Variants in MEF2A observed in about 807,000 individuals in gnomAD.
MEF2A encodes myocyte-specific enhancer factor 2A.
In MEF2A, 28 loss-of-function variants were observed where a neutral mutation model predicts 55.8. That is an observed-to-expected ratio of 0.50 (90% CI 0.37 to 0.69). The LOEUF is 0.69. Among genes scored for constraint, MEF2A ranks in the 30% least tolerant of loss-of-function variants. The pLI is 0.00. For synonymous variants in MEF2A, 239 were observed against 227.1 expected (o/e 1.05, Z -0.47); for missense variants, 528 against 626.2 (o/e 0.84, Z 1.67).
chr15:99,658,338 A>G (rs1272532853), intron 4 of MEF2A, among the ~76,000 whole-genome samples: 1 of 152,214 alleles, frequency 6.6e-6, no homozygotes, highest in Admixed American at 6.5e-5. Context: ...CCATAACCGC[A>G]GAGAGAATTT....
At chr15:99,597,615 C>T (rs1425907684) in intron 1 of MEF2A, among the ~76,000 whole-genome samples, 2 of 152,146 alleles carry the variant, frequency 1.3e-5, no homozygotes, top group Non-Finnish European at 2.9e-5. Flanking sequence ...CCTATTCGCA[C>T]ACTCCCTCCC....
intron 7 of MEF2A, among the ~76,000 whole-genome samples, chr15:99,684,280 A>G (rs182912268): frequency 1.5e-4 from 23 of 152,356 alleles, no homozygotes; most frequent in Non-Finnish European, 1.2e-4. Context: ...TTCTTTAAGC[A>G]ATCTCTGTAC....
chr15:99,576,910 G>A (rs1012556914), intron 1 of MEF2A, among the ~76,000 whole-genome samples: 17 of 152,250 alleles, frequency 1.1e-4, no homozygotes, highest in Admixed American at 5.2e-4. Flanking sequence ...GCCTCCCAAA[G>A]TGCTGGGATT....
chr15:99,710,559 T>C (rs2058525345), intron 10 of MEF2A, 75 bp from the exon 11 acceptor site: 5 of 1,558,692 alleles, frequency 3.2e-6, no homozygotes, highest in Non-Finnish European at 3.5e-6. Context: ...TAGGAACTTT[T>C]GCAGTAGCTA....
intron 4 of MEF2A, among the ~76,000 whole-genome samples, chr15:99,647,263 C>T (rs1186523485): frequency 6.7e-6 from 1 of 149,870 alleles, no homozygotes; most frequent in Non-Finnish European, 1.5e-5. Context: ...AACTGGATTT[C>T]CTTGAAATGG....
In MEF2A at chr15:99,706,722, C is replaced by A. The variant is rs2058080155; in HGVS notation, c.883-7C>A. ...CAGAACACATTTTCTCTTTTTTGAT[C>A]TCACAGAATACCCAGAGGATCAGTA... On this transcript the variant is annotated splice_region_variant and splice_polypyrimidine_tract_variant and intron_variant, in intron 9 of 11. Coordinates refer to ENST00000557942, the MANE Select transcript of MEF2A (RefSeq NM_001319206.4). 1 of 1,612,002 alleles carries A rather than the reference C, an allele frequency of 6.2e-7. No individual in the cohort carries two copies. The highest frequency in any genetic ancestry group is 1.3e-5 in the African/African-American group (1 of 74,884).
At chr15:99,568,547 G>C (rs1960746085) in intron 1 of MEF2A, among the ~76,000 whole-genome samples, 1 of 152,184 alleles carries the variant, frequency 6.6e-6, no homozygotes, top group Non-Finnish European at 1.5e-5. Context: ...GGGTGGTTAA[G>C]AAATTATGGA....
At position 99,712,639 on chromosome 15, in the gene MEF2A, C is replaced by T. The variant is rs767257529; in HGVS notation, c.1386C>T (p.Ser462=). Residue 462 remains serine, a synonymous_variant, in exon 12 of 12, where the codon TCC becomes TCT. Transcript: ENST00000557942. The surrounding 1 kb of genome is among the most constrained non-coding windows in gnomAD (Gnocchi z 4.1). The part of the protein sequence containing the change: ...PVDSLSSSSS[S]YDGSDREDPR... ...ACAGTCTGAGCAGCTCTAGTAGCTC[C>T]TATGATGGCAGTGATCGGGAGGATC... The T allele has an allele frequency of 9.0e-6, 14 of 1,553,078 alleles. No individual in the cohort carries two copies. The African/African-American group carries it at 1.8e-4, about 20-fold the overall frequency.
intron 1 of MEF2A, among the ~76,000 whole-genome samples, chr15:99,597,023 A>G (rs1295317359): frequency 1.3e-5 from 2 of 152,230 alleles, no homozygotes; most frequent in Non-Finnish European, 2.9e-5. Context: ...GGACCCTGTA[A>G]TAATTGCATT....
intron 9 of MEF2A, 175 bp from the exon 10 acceptor site, chr15:99,706,554 C>T (rs1252724517): frequency 3.1e-6 from 2 of 644,418 alleles, no homozygotes; most frequent in Admixed American, 2.9e-5. Flanking sequence ...AAATAGGACC[C>T]TTCAAATTAA....
At chr15:99,588,314 C>T (rs918129447) in intron 1 of MEF2A, among the ~76,000 whole-genome samples, 9 of 151,414 alleles carry the variant, frequency 5.9e-5, no homozygotes, top group Non-Finnish European at 1.2e-4. Context: ...CTTTTCTTTT[C>T]TTTTTTTGAG....
chr15:99,577,773 A>AT (rs986002375), intron 1 of MEF2A, among the ~76,000 whole-genome samples: 1 of 151,714 alleles, frequency 6.6e-6, no homozygotes, highest in Non-Finnish European at 1.5e-5. Flanking sequence ...ATATTAACTC[A>AT]TTTTTTTTGT....
intron 1 of MEF2A, among the ~76,000 whole-genome samples, chr15:99,569,065 A>T (rs943385930): frequency 4.6e-5 from 7 of 152,224 alleles, no homozygotes; most frequent in Admixed American, 4.6e-4. Context: ...CTCGTGCAAG[A>T]GAATGCTTTT....
At chr15:99,701,235 T>C (rs1367028131) in intron 8 of MEF2A, among the ~76,000 whole-genome samples, 3 of 152,226 alleles carry the variant, frequency 2.0e-5, no homozygotes, top group Non-Finnish European at 1.5e-5. Context: ...AAAGACAACA[T>C]GTGCCTTCCA....
intron 8 of MEF2A, among the ~76,000 whole-genome samples, chr15:99,700,221 C>T (rs117882035): frequency 0.25 from 31,737 of 128,410 alleles, 4,337 homozygotes; most frequent in African/African-American, 0.31. Context: ...CACATATGTA[C>T]GTATGTGTCT....
intron 1 of MEF2A, among the ~76,000 whole-genome samples, chr15:99,593,723 A>T (rs192397732): frequency 1.4e-4 from 21 of 152,230 alleles, no homozygotes; most frequent in African/African-American, 4.8e-4. Flanking sequence ...TAGTTTGAAC[A>T]CTGATTGAAG....
intron 2 of MEF2A, among the ~76,000 whole-genome samples, chr15:99,621,549 C>A (rs1200901436): frequency 1.3e-5 from 2 of 152,020 alleles, no homozygotes; most frequent in African/African-American, 4.8e-5. Flanking sequence ...GTTTCTGTTC[C>A]TTGGGGCTGA....
Position 99,703,388 on chromosome 15 carries a change from G to A in MEF2A, c.882+3G>A, listed in dbSNP as rs2057652056. 1 of 1,607,932 alleles carries A rather than the reference G, an allele frequency of 6.2e-7. No individual in the cohort carries two copies. Among genetic ancestry groups the A allele is most frequent in the Non-Finnish European group, 8.5e-7 (1 of 1,177,300 alleles). ...CGGAGGAAGAGGAATTGGAGTTGGT[G>A]AGTGTGGGTTTCTGCTTGAAGGAAG... On this transcript the variant is annotated splice_donor_region_variant and intron_variant, in intron 9 of 11. Transcript: ENST00000557942.
At chr15:99,669,521 A>G (rs1346760328) in intron 4 of MEF2A, among the ~76,000 whole-genome samples, 2 of 152,236 alleles carry the variant, frequency 1.3e-5, no homozygotes, top group African/African-American at 4.8e-5. Flanking sequence ...TTTATGGCCA[A>G]GCACACATAA....
Sources: gnomAD v4.1 joint callset for allele counts (sites outside exome capture counted in the v4.1 genomes callset) on GRCh38, gnomAD v4.1.1 for gene constraint, Gnocchi (gnomAD v3.1) non-coding constraint, MANE v1.5 for transcripts, NCBI Gene and HGNC (gene_info 2026-07-23, HGNC 2026-07-21) for gene names.